Variants in MTURN observed in about 807,000 individuals in gnomAD.
MTURN encodes maturin.
A neutral mutation model predicts 14.9 loss-of-function variants in MTURN; 7 were observed. The observed-to-expected ratio is 0.47, with a 90% CI of 0.27 to 0.88. The LOEUF is 0.88. Among genes scored for constraint, MTURN ranks in the 40% least tolerant of loss-of-function variants. The pLI, the probability that MTURN is intolerant of heterozygous loss-of-function variation, is 0.14. For missense variants in MTURN, 151 were observed against 174.1 expected (o/e 0.87, Z 0.75); for synonymous variants, 69 against 72.5 (o/e 0.95, Z 0.25).
intron 2 of MTURN, 56 bp downstream of exon 2, chr7:30,146,355 G>A (rs1455272455): frequency 6.2e-7 from 1 of 1,603,528 alleles, no homozygotes; most frequent in Non-Finnish European, 8.5e-7. Flanking sequence ...ATTGTGTTTA[G>A]AATAACAGGG....
chr7:30,149,510 C>T (rs1689515004), intron 2 of MTURN, among the ~76,000 whole-genome samples: 1 of 152,134 alleles, frequency 6.6e-6, no homozygotes, highest in African/African-American at 2.4e-5. Flanking sequence ...TCAGGATGCG[C>T]CCCAGACTGA....
At chr7:30,155,194 TC>T (rs1368649034) in intron 2 of MTURN, among the ~76,000 whole-genome samples, 4 of 152,318 alleles carry the variant, frequency 2.6e-5, no homozygotes, top group African/African-American at 9.6e-5. Context: ...AGGCAGCCAC[TC>T]CCTGTCAGGT....
rs918341311 is a variant in MTURN at position 30,137,639 on chromosome 7, A to G, written c.162+2341A>G. On this transcript the variant is annotated intron_variant, in intron 1 of 2. Coordinates refer to ENST00000324453, the MANE Select transcript of MTURN (RefSeq NM_152793.3). ...CAAGTTCTGGAGGCTCTAATGGACA[A>G]GATGCCAACCTCGGGAGTTTTCCTA... The G allele has an allele frequency of 1.5e-5, 7 of 471,118 alleles. No individual in the cohort carries two copies. The East Asian group carries it at 4.9e-4, about 33-fold the overall frequency. The allele number at this position is 471,118 out of a possible 1,614,324, so 29.2% of individuals were successfully genotyped here.
At chr7:30,146,673 T>C (rs1482922138) in intron 2 of MTURN, among the ~76,000 whole-genome samples, 1 of 152,180 alleles carries the variant, frequency 6.6e-6, no homozygotes, top group African/African-American at 2.4e-5. Flanking sequence ...GGCGTATATT[T>C]GGGGATTGCT....
At chr7:30,140,849 C>G (rs2128030446) in intron 1 of MTURN, 1 of 152,304 alleles carries the variant, frequency 6.6e-6, no homozygotes, top group East Asian at 1.9e-4. Context: ...AAATGAGAGT[C>G]AGTCTACAGG....
At chr7:30,144,466 A>C (rs1031653898) in intron 1 of MTURN, among the ~76,000 whole-genome samples, 2 of 152,204 alleles carry the variant, frequency 1.3e-5, no homozygotes, top group African/African-American at 2.4e-5. Flanking sequence ...TGTACAATGG[A>C]AGAGACTATT....
chr7:30,138,551 T>C (rs892230730), intron 1 of MTURN, among the ~76,000 whole-genome samples: 10 of 152,132 alleles, frequency 6.6e-5, no homozygotes, highest in Admixed American at 2.6e-4. Context: ...TCGTGTCTCC[T>C]AATTTGTCTC....
rs1797372088 is a variant in MTURN at position 30,161,382 on chromosome 7, AATGCCTTGTG to A, written c.*3835_*3844del. 6.6e-6 allele frequency: 1 copy of A among 152,212 alleles called. No individual in the cohort carries two copies. The highest frequency in any genetic ancestry group is 1.9e-4 in the East Asian group (1 of 5,192). 9.4% of individuals were successfully genotyped at this position (152,212 alleles called of 1,614,324 possible). A position where few individuals can be genotyped will look rare whatever the true frequency, so the allele number is the denominator to read the frequency against. ...AGGAACTGACTGTATGTTGAGAGGCAATGCCTTGTGTTGGCATGGCTTTGCCACTTTAAAA... is the reference window on the plus strand; with the variant it reads ...AGGAACTGACTGTATGTTGAGAGGCATTGGCATGGCTTTGCCACTTTAAAA... On this transcript the variant is annotated 3_prime_UTR_variant, in exon 3 of 3. Transcript: ENST00000324453.
chr7:30,144,928 C>CTTTTTT (rs11411711), intron 1 of MTURN, among the ~76,000 whole-genome samples: 24 of 73,974 alleles, frequency 3.2e-4, no homozygotes, highest in African/African-American at 4.5e-4. Context: ...GACCTCAATA[C>CTTTTTT]TTTTTTTTTT....
intron 1 of MTURN, among the ~76,000 whole-genome samples, chr7:30,135,970 A>G (rs1240670081): frequency 4.8e-5 from 5 of 103,712 alleles, no homozygotes; most frequent in Non-Finnish European, 1.0e-4. Context: ...ATACACCCCA[A>G]CACACACACA....
intron 2 of MTURN, among the ~76,000 whole-genome samples, chr7:30,148,310 G>A (rs1797157716): frequency 6.6e-6 from 1 of 152,234 alleles, no homozygotes; most frequent in Non-Finnish European, 1.5e-5. Context: ...GACAACACCT[G>A]TGTCCAGGGA....
intron 2 of MTURN, among the ~76,000 whole-genome samples, chr7:30,155,547 G>A (rs1797274126): frequency 1.3e-5 from 2 of 152,132 alleles, no homozygotes; most frequent in African/African-American, 4.8e-5. Flanking sequence ...CTTCTCCCAA[G>A]CACACTCAAG....
At position 30,157,881 on chromosome 7, in the gene MTURN, C is replaced by T. The variant is rs972367296; in HGVS notation, c.*333C>T. 6.1e-6 allele frequency: 1 copy of T among 164,362 alleles called. No individual in the cohort carries two copies. Among genetic ancestry groups the T allele is most frequent in the African/African-American group, 2.4e-5 (1 of 41,694 alleles). The allele number at this position is 164,362 out of a possible 1,614,324, so 10.2% of individuals were successfully genotyped here. A position where few individuals can be genotyped will look rare whatever the true frequency, so the allele number is the denominator to read the frequency against. ...CATTCGCTGACTCGAATGTAGAGAA[C>T]TCTGAATGTATTAAGGATAGGTTTT... is the stretch of plus-strand genomic sequence containing the variant. On this transcript the variant is annotated 3_prime_UTR_variant, in exon 3 of 3. Coordinates refer to ENST00000324453, the MANE Select transcript of MTURN (RefSeq NM_152793.3).
intron 1 of MTURN, among the ~76,000 whole-genome samples, chr7:30,144,175 G>C (rs1436930166): frequency 1.3e-5 from 2 of 152,244 alleles, no homozygotes; most frequent in African/African-American, 4.8e-5. Flanking sequence ...CTGCATGTCA[G>C]CTAGGCACTG....
chr7:30,156,064 A>G (rs1304801898), intron 2 of MTURN, among the ~76,000 whole-genome samples: 1 of 152,146 alleles, frequency 6.6e-6, no homozygotes, highest in Non-Finnish European at 1.5e-5. Context: ...TCATGAAGGC[A>G]CCAGGAGACA....
At chr7:30,143,266 G>A (rs1352951965) in intron 1 of MTURN, among the ~76,000 whole-genome samples, 3 of 151,994 alleles carry the variant, frequency 2.0e-5, no homozygotes, top group African/African-American at 7.2e-5. Flanking sequence ...TGGCAAATCT[G>A]TGTCCCGTCT....
At chr7:30,136,989 A>G (rs1339525729) in intron 1 of MTURN, among the ~76,000 whole-genome samples, 2 of 152,252 alleles carry the variant, frequency 1.3e-5, no homozygotes, top group African/African-American at 4.8e-5. Context: ...TACCTCCAGA[A>G]GAGCCAACTG....
intron 2 of MTURN, among the ~76,000 whole-genome samples, chr7:30,155,132 A>C (rs1797268336): frequency 6.6e-6 from 1 of 152,178 alleles, no homozygotes; most frequent in Non-Finnish European, 1.5e-5. Context: ...CAGGACAGCC[A>C]TTGCTAGTTG....
intron 1 of MTURN, chr7:30,145,765 T>A: frequency 1.4e-6 from 2 of 1,400,348 alleles, no homozygotes; most frequent in Non-Finnish European, 1.9e-6. Flanking sequence ...AAACTATGCT[T>A]AATTAATCTT....
Sources: allele counts gnomAD v4.1 joint callset (sites outside exome capture counted in the v4.1 genomes callset), GRCh38; gene constraint gnomAD v4.1.1; transcripts MANE v1.5; gene names NCBI Gene and HGNC (gene_info 2026-07-23, HGNC 2026-07-21).